NBAS: variants seen among roughly 807,000 people sequenced by gnomAD.
NBAS encodes NBAS subunit of NRZ tethering complex.
NBAS carries 219 observed loss-of-function variants against 302.5 expected under a neutral mutation model. That is an observed-to-expected ratio of 0.72 (90% CI 0.65 to 0.81). The LOEUF is 0.81. Among genes scored for constraint, NBAS ranks in the 30% least tolerant of loss-of-function variants. The pLI is 0.00. For missense variants in NBAS, 2,932 were observed against 2,841.6 expected, an observed-to-expected ratio of 1.03 and a Z score of -0.72; for synonymous variants, 1,118 against 1,021.6, an observed-to-expected ratio of 1.09 and a Z score of -1.80.
rs1663521315 is a variant in NBAS at position 15,536,477 on chromosome 2, C to G, written c.588G>C (p.Gln196His). The change falls in exon 8 of 52, where the codon CAG (glutamine) becomes CAC (histidine). Residue 196 changes from glutamine (Q) to histidine (H), a missense_variant. Transcript: ENST00000281513. ...TGATGACCAGGAGTTCTGCAGACCACTGTGCACTTGCTTTATATTCTAAAA... is the reference window on the plus strand; with the variant it reads ...TGATGACCAGGAGTTCTGCAGACCAGTGTGCACTTGCTTTATATTCTAAAA... ...LIFLEYKASA[Q>H]WSAELLVINY... 4 of 1,613,406 alleles carry G rather than the reference C, an allele frequency of 2.5e-6. No homozygotes were observed. The highest frequency in any genetic ancestry group is 1.7e-6 in the Non-Finnish European group (2 of 1,179,902).
intron 28 of NBAS, among the ~76,000 whole-genome samples, chr2:15,391,601 G>T (rs1181139800): frequency 6.6e-6 from 1 of 152,124 alleles, no homozygotes; most frequent in Non-Finnish European, 1.5e-5. Context: ...CCTGAAAGGA[G>T]AGGAGCAGAA....
chr2:15,366,461 C>T (rs929696238), intron 32 of NBAS, 119 bp downstream of exon 32: 2 of 952,648 alleles, frequency 2.1e-6, no homozygotes, highest in Admixed American at 1.9e-5. Context: ...GAGCGAGACC[C>T]TGTCTAATAA....
chr2:15,276,878 G>T lies in NBAS; in HGVS notation c.5362C>A (p.Leu1788Met). The change falls in exon 43 of 52, where the codon CTG becomes ATG. Residue 1788 changes from leucine to methionine, a missense_variant. Leu to Met is a conservative substitution (Grantham distance 15). Transcript: ENST00000281513. ...AIKPETHIRL[L>M]KKFKVVASGL... ...GATGCAACAACCTTAAACTTCTTCA[G>T]CAGTCGAATGTGGGTTTCTGGTTTA... The T allele has an allele frequency of 6.2e-7, 1 of 1,614,020 alleles. No homozygotes were observed. The highest frequency in any genetic ancestry group is 1.1e-5 in the South Asian group (1 of 91,072).
chr2:14,858,315 T>C, the NBAS span, among the ~76,000 whole-genome samples: 1 of 152,136 alleles, frequency 6.6e-6, no homozygotes, highest in Admixed American at 6.5e-5. Context: ...GCTGGGTATA[T>C]ACCCAAAAGA....
intron 44 of NBAS, among the ~76,000 whole-genome samples, chr2:15,246,810 C>T (rs536289633): frequency 1.3e-5 from 2 of 152,298 alleles, no homozygotes; most frequent in Non-Finnish European, 1.5e-5. Context: ...GGGCTGAGTG[C>T]TGGTGACAAA....
the NBAS span, among the ~76,000 whole-genome samples, chr2:15,027,340 T>A: frequency 6.6e-6 from 1 of 152,134 alleles, no homozygotes; most frequent in Non-Finnish European, 1.5e-5. Context: ...TTTATTATTT[T>A]ATTTACTCTT....
At chr2:14,838,584 T>C in the NBAS span, among the ~76,000 whole-genome samples, 3 of 152,098 alleles carry the variant, frequency 2.0e-5, no homozygotes, top group Non-Finnish European at 4.4e-5. Flanking sequence ...TAATTTTTTA[T>C]TTACATTGTC....
the NBAS span, among the ~76,000 whole-genome samples, chr2:15,071,162 C>T: frequency 6.6e-6 from 1 of 152,184 alleles, no homozygotes; most frequent in Non-Finnish European, 1.5e-5. Flanking sequence ...AAACAAGAGA[C>T]CTATGCTCGG....
chr2:14,901,653 A>C, the NBAS span, among the ~76,000 whole-genome samples: 1 of 152,232 alleles, frequency 6.6e-6, no homozygotes, highest in East Asian at 1.9e-4. Flanking sequence ...GATTCTTAGG[A>C]AGTAATAAAA....
intron 21 of NBAS, among the ~76,000 whole-genome samples, chr2:15,439,829 A>C (rs999792102): frequency 1.3e-5 from 2 of 152,218 alleles, no homozygotes; most frequent in Non-Finnish European, 2.9e-5. Context: ...CAACAGGCTT[A>C]AAAAATGGTG....
chr2:15,430,937 G>A (rs1677734635), intron 21 of NBAS, among the ~76,000 whole-genome samples: 1 of 151,946 alleles, frequency 6.6e-6, no homozygotes, highest in African/African-American at 2.4e-5. Flanking sequence ...CTCCTGAGTA[G>A]CTGGGACTAC....
the NBAS span, among the ~76,000 whole-genome samples, chr2:15,130,270 C>T: frequency 1.3e-5 from 2 of 152,092 alleles, no homozygotes; most frequent in South Asian, 4.1e-4. Flanking sequence ...CTAAGGATAC[C>T]ACATTTTGCT....
rs75540479 is a variant in NBAS at position 15,224,540 on chromosome 2, T to C, written c.6237-5572A>G. On this transcript the variant is annotated intron_variant, in intron 47 of 51. Transcript: ENST00000281513. ...CAGATTTTGTGGCTGGCTTGCATAG[T>C]AGATGCCAATGTTTCAAAATTAAGG... 7.2e-3 allele frequency among the ~76,000 whole-genome samples: 1,097 copies of C among 152,318 alleles called. 15 individuals carry two copies. The highest frequency in any genetic ancestry group is 0.025 in the African/African-American group (1,058 of 41,566).
the NBAS span, among the ~76,000 whole-genome samples, chr2:14,831,680 G>T: frequency 6.6e-6 from 1 of 152,148 alleles, no homozygotes; most frequent in Non-Finnish European, 1.5e-5. Flanking sequence ...CTTATGTAAA[G>T]CTGCTTTCGA....
intron 21 of NBAS, among the ~76,000 whole-genome samples, chr2:15,459,279 A>G (rs1409377148): frequency 6.6e-6 from 1 of 152,224 alleles, no homozygotes; most frequent in Non-Finnish European, 1.5e-5. Context: ...AAAACCGTTA[A>G]GAGACAGTAG....
At chr2:15,294,296 G>C (rs1434824242) in intron 40 of NBAS, among the ~76,000 whole-genome samples, 1 of 152,148 alleles carries the variant, frequency 6.6e-6, no homozygotes, top group Non-Finnish European at 1.5e-5. Context: ...CAAAAAACAG[G>C]GAGACAAATT....
rs117634637 is a variant in NBAS, at chr2:15,301,643, C to T, written c.4797+6573G>A. On this transcript the variant is annotated intron_variant, in intron 40 of 51. Coordinates refer to ENST00000281513, the MANE Select transcript of NBAS (RefSeq NM_015909.4). ...GAAGGCTCAGCAAGGCAGCTTATCC[C>T]ACCTTCTTCCAGTAAGATGAAAAGT... Among the ~76,000 whole-genome samples the T allele has an allele frequency of 2.5e-3, 377 of 152,292 alleles. 5 individuals carry two copies. The highest frequency in any genetic ancestry group is 0.017 in the Admixed American group (263 of 15,296).
chr2:14,905,249 C>T, the NBAS span, among the ~76,000 whole-genome samples: 1 of 152,198 alleles, frequency 6.6e-6, no homozygotes, highest in Non-Finnish European at 1.5e-5. Flanking sequence ...TCAATCCAAT[C>T]AAGTTGACAT....
chr2:15,067,789 T>A, the NBAS span, among the ~76,000 whole-genome samples: 1 of 152,150 alleles, frequency 6.6e-6, no homozygotes, highest in Non-Finnish European at 1.5e-5. Flanking sequence ...TGTTATGCAA[T>A]CACAAATTTG....
Sources: gnomAD v4.1 joint callset for allele counts (sites outside exome capture counted in the v4.1 genomes callset) on GRCh38, gnomAD v4.1.1 for gene constraint, MANE v1.5 for transcripts, NCBI Gene and HGNC (gene_info 2026-07-23, HGNC 2026-07-21) for gene names.